Variants in JPT1 observed in about 807,000 individuals in gnomAD.
JPT1 encodes Jupiter microtubule associated homolog 1.
A neutral mutation model predicts 17.0 loss-of-function variants in JPT1; 5 were observed. The observed-to-expected ratio is 0.29, with a 90% confidence interval of 0.15 to 0.62. JPT1 has a LOEUF of 0.62. Among genes scored for constraint, JPT1 ranks in the 20% least tolerant of loss-of-function variants. The pLI is 0.85. For synonymous variants in JPT1, 71 were observed against 73.6 expected (o/e 0.96, Z 0.18); for missense variants, 158 against 188.1 (o/e 0.84, Z 0.94).
chr17:75,145,088 C>T (rs1377368071), intron 4 of JPT1, among the ~76,000 whole-genome samples: 1 of 144,902 alleles, frequency 6.9e-6, no homozygotes, highest in East Asian at 2.1e-4. Flanking sequence ...TGCTTGAACC[C>T]GGGAGGCAGA....
intron 2 of JPT1, 77 bp downstream of exon 2, chr17:75,148,452 C>G: frequency 2.6e-6 from 4 of 1,545,800 alleles, no homozygotes; most frequent in Non-Finnish European, 3.5e-6. Flanking sequence ...GGGGCACATG[C>G]TGGTGCCCAA....
intron 4 of JPT1, among the ~76,000 whole-genome samples, chr17:75,143,445 G>A (rs182648875): frequency 4.6e-5 from 7 of 152,244 alleles, no homozygotes; most frequent in Non-Finnish European, 8.8e-5. Flanking sequence ...TGTAATCTCA[G>A]CTACTCAGGA....
In JPT1 at chr17:75,135,716, G is replaced by A. The variant is rs2074179703; in HGVS notation, c.*386C>T. On this transcript the variant is annotated 3_prime_UTR_variant, in exon 5 of 5. Coordinates refer to ENST00000409753, the MANE Select transcript of JPT1 (RefSeq NM_016185.4). ...CTGCGGAGAGACTCCCTGTGGGTTG[G>A]GGCCTGGCAGGAACGGTGCCTGTGG... 2 of 251,502 alleles carry A rather than the reference G, an allele frequency of 8.0e-6. No individual in the cohort carries two copies. Among genetic ancestry groups the A allele is most frequent in the Non-Finnish European group, 1.5e-5 (2 of 132,400 alleles). The allele number at this position is 251,502 out of a possible 1,614,324, so 15.6% of individuals were successfully genotyped here.
At chr17:75,150,860 T>TTTTTTTTTTTTGTTTTG (rs2074538397) in intron 1 of JPT1, among the ~76,000 whole-genome samples, 1 of 140,148 alleles carries the variant, frequency 7.1e-6, no homozygotes, top group African/African-American at 2.6e-5. Flanking sequence ...TTTTTTTTTT[T>TTTTTTTTTTTTGTTTTG]TTTTTTTTTT....
chr17:75,142,645 G>GA (rs2074346425), intron 4 of JPT1: 1 of 291,338 alleles, frequency 3.4e-6, no homozygotes, highest in Non-Finnish European at 6.4e-6. Context: ...GGAGGGGAGG[G>GA]GGGGATGGAG....
intron 4 of JPT1, among the ~76,000 whole-genome samples, chr17:75,142,362 C>G (rs539869511): frequency 6.0e-4 from 90 of 151,008 alleles, no homozygotes; most frequent in African/African-American, 2.1e-3. Flanking sequence ...GAGTTCAAGA[C>G]CAGTCTGGCC....
Position 75,147,626 on chromosome 17 carries a change from T to A in JPT1, c.227A>T (p.Asp76Val). 6.2e-7 allele frequency: 1 copy of A among 1,613,906 alleles called. No homozygotes were observed. The highest frequency in any genetic ancestry group is 8.5e-7 in the Non-Finnish European group (1 of 1,179,818). Residue 76 changes from aspartate (D) to valine (V), a missense_variant, in exon 3 of 5, where the codon GAC (aspartate) becomes GTC (valine). Coordinates refer to ENST00000409753, the MANE Select transcript of JPT1 (RefSeq NM_016185.4). ...AGAKSSGGRE[D>V]LESSGLQRRN... ...TCTCTGCAGTCCAGATGACTCCAAG[T>A]CTTCCCTGCCACCACTAGACTTGGC...
intron 4 of JPT1, among the ~76,000 whole-genome samples, chr17:75,137,736 C>T (rs542552642): frequency 4.2e-4 from 59 of 139,066 alleles, no homozygotes; most frequent in African/African-American, 1.5e-3. Context: ...TAACCTCTGC[C>T]TCCTGGGTTC....
chr17:75,153,794 G>A (rs555932482), intron 1 of JPT1: 1 of 152,230 alleles, frequency 6.6e-6, no homozygotes, highest in South Asian at 2.1e-4. Flanking sequence ...CGAATAAGGA[G>A]TGGGGGCACG....
At chr17:75,139,607 G>T in intron 4 of JPT1, among the ~76,000 whole-genome samples, 1 of 152,084 alleles carries the variant, frequency 6.6e-6, no homozygotes. Flanking sequence ...AATAACCTGA[G>T]GTCAGGAGTT....
chr17:75,142,551 C>G (rs996543269), intron 4 of JPT1, among the ~76,000 whole-genome samples: 2 of 139,342 alleles, frequency 1.4e-5, no homozygotes, highest in Non-Finnish European at 3.1e-5. Flanking sequence ...AAGAGCTAAA[C>G]TCCGTCAAGG....
chr17:75,153,810 G>A (rs1216586238), intron 1 of JPT1: 1 of 152,184 alleles, frequency 6.6e-6, no homozygotes, highest in Non-Finnish European at 1.5e-5. Context: ...GCACGGCGAG[G>A]GTAAGGAGCC....
intron 4 of JPT1, among the ~76,000 whole-genome samples, chr17:75,146,201 T>C (rs984367299): frequency 6.6e-6 from 1 of 152,230 alleles, no homozygotes; most frequent in Admixed American, 6.5e-5. Context: ...TCACCCAGAC[T>C]GGAGTATAAC....
At position 75,136,199 on chromosome 17, in the gene JPT1, G is replaced by A. The variant is rs1185727266; in HGVS notation, c.368C>T (p.Pro123Leu). Reference sequence around the variant, plus strand: ...GCTGGGCACAGGCGCAGCAGGCACGGGCTTCTCTTCACTCTGCCCCAGGCT... The same window carrying A: ...GCTGGGCACAGGCGCAGCAGGCACGAGCTTCTCTTCACTCTGCCCCAGGCT... The part of the protein sequence containing the change: ...PGSLGQSEEK[P>L]VPAAPVPSPV... Residue 123 changes from proline (P) to leucine (L), a missense_variant, in exon 5 of 5, where the codon CCC becomes CTC. Transcript: ENST00000409753. The A allele has an allele frequency of 6.2e-7, 1 of 1,613,252 alleles. No homozygotes were observed. The highest frequency in any genetic ancestry group is 1.7e-5 in the Admixed American group (1 of 59,908).
chr17:75,141,730 C>G (rs1209420033), intron 4 of JPT1, among the ~76,000 whole-genome samples: 1 of 152,062 alleles, frequency 6.6e-6, no homozygotes, highest in Non-Finnish European at 1.5e-5. Context: ...AGTTTGCGAC[C>G]AGCCTGGCCA....
intron 4 of JPT1, among the ~76,000 whole-genome samples, chr17:75,144,425 T>C (rs1437327852): frequency 2.6e-5 from 4 of 151,916 alleles, no homozygotes; most frequent in African/African-American, 9.7e-5. Context: ...GGCAGGAGGA[T>C]TGCTTCAGCT....
chr17:75,142,858 A>G (rs536343026), intron 4 of JPT1: 421 of 449,090 alleles, frequency 9.4e-4, no homozygotes, highest in Non-Finnish European at 1.3e-3. Context: ...GTCCTGTGAT[A>G]TTATGATATA....
chr17:75,152,013 A>G (rs1262098358), intron 1 of JPT1, among the ~76,000 whole-genome samples: 1 of 152,038 alleles, frequency 6.6e-6, no homozygotes, highest in Non-Finnish European at 1.5e-5. Context: ...GTACCCGAAC[A>G]CCAGCTTAAG....
chr17:75,135,764 G>A lies in JPT1; in HGVS notation c.*338C>T. 4.5e-6 allele frequency: 2 copies of A among 449,002 alleles called. No homozygotes were observed. Among genetic ancestry groups the A allele is most frequent in the Non-Finnish European group, 4.0e-6 (1 of 249,134 alleles). The allele number at this position is 449,002 out of a possible 1,614,324, so 27.8% of individuals were successfully genotyped here. The stretch of plus-strand genomic sequence containing the variant: ...TGGACTGTTTATGGTCTGTCCAGTT[G>A]AGGCTTGGTAAACCCAAGTAAAGTG... On this transcript the variant is annotated 3_prime_UTR_variant, in exon 5 of 5. Transcript: ENST00000409753.
Sources: allele counts gnomAD v4.1 joint callset (sites outside exome capture counted in the v4.1 genomes callset), GRCh38; gene constraint gnomAD v4.1.1; transcripts MANE v1.5; gene names NCBI Gene and HGNC (gene_info 2026-07-23, HGNC 2026-07-21).